Variants in BSN observed in about 807,000 individuals in gnomAD.
The protein encoded by BSN is bassoon presynaptic cytomatrix protein, also known as protein bassoon.
Under a neutral mutation model 264.8 loss-of-function variants are expected in BSN, and 57 were observed. The observed-to-expected ratio is 0.22, with a 90% confidence interval of 0.17 to 0.27. The LOEUF (loss-of-function observed/expected upper bound fraction) is 0.27, where lower values mean the gene tolerates loss of function less well. Ranked by LOEUF, BSN falls within the 10% of genes least tolerant of loss-of-function variation. The pLI, the probability that BSN is intolerant of heterozygous loss-of-function variation, is 1.00. For missense variants in BSN, 4,615 were observed against 5,232.5 expected (o/e 0.88, Z 3.64); for synonymous variants, 2,059 against 2,137.3 (o/e 0.96, Z 1.01).
In BSN at chr3:49,654,953, T is replaced by C; in HGVS notation, c.5397T>C (p.Phe1799=). The change falls in exon 5 of 12, where the codon TTT becomes TTC. Residue 1799 remains phenylalanine (F), a synonymous_variant. Coordinates refer to ENST00000296452, the MANE Select transcript of BSN (RefSeq NM_003458.4). This position sits in a 1 kb window ranked among gnomAD's most constrained non-coding sequence, Gnocchi z 4.1. ...GGGGAAGACCCAGGGAGGCCAAGTT[T>C]GCCAGATATAACCTACCCAACCAAG... The part of the protein sequence containing the change: ...GPRGRPREAK[F]ARYNLPNQVA... 1 of 1,611,864 alleles carries C rather than the reference T, an allele frequency of 6.2e-7. No homozygotes were observed. The highest frequency in any genetic ancestry group is 8.5e-7 in the Non-Finnish European group (1 of 1,178,924).
At chr3:49,664,875 C>A in intron 10 of BSN, 22 bp downstream of exon 10, 1 of 1,489,012 alleles carries the variant, frequency 6.7e-7, no homozygotes, top group South Asian at 1.1e-5. Flanking sequence ...CAGCCTGTAC[C>A]TTGCCTCTTC....
chr3:49,657,626 C>A lies in BSN; in HGVS notation c.8070C>A (p.Ile2690=). The A allele has an allele frequency of 6.2e-7, 1 of 1,600,204 alleles. No homozygotes were observed. The highest frequency in any genetic ancestry group is 1.1e-5 in the South Asian group (1 of 90,218). The part of the protein sequence containing the change: ...QLPRVSPAIH[I]TAATDPKVEI... ...CCAGGGTCTCTCCAGCCATCCACAT[C>A]ACAGCTGCCACCGATCCCAAGGTGG... is the stretch of plus-strand genomic sequence containing the variant. The change falls in exon 5 of 12, where the codon ATC becomes ATA. Residue 2690 remains isoleucine, a synonymous_variant. Transcript: ENST00000296452.
At position 49,643,104 on chromosome 3, in the gene BSN, C is replaced by T; in HGVS notation, c.1470C>T (p.Leu490=). 1 of 1,613,424 alleles carries T rather than the reference C, an allele frequency of 6.2e-7. No homozygotes were observed. Among genetic ancestry groups the T allele is most frequent in the Non-Finnish European group, 8.5e-7 (1 of 1,179,704 alleles). Residue 490 remains leucine, a synonymous_variant, in exon 3 of 12, where the codon CTC becomes CTT. Transcript: ENST00000296452. ...ANYNTCTTCR[L]QVCNLCGFNP... is the part of the protein sequence containing the mutation. ...ATAACACATGCACCACCTGCAGGCT[C>T]CAGGTGTGCAACCTGTGTGGCTTCA...
Position 49,651,305 on chromosome 3 carries a change from G to T in BSN, c.1986+226G>T. The T allele has an allele frequency of 1.6e-6, 1 of 637,636 alleles. No individual in the cohort carries two copies. Among genetic ancestry groups the T allele is most frequent in the Non-Finnish European group, 2.6e-6 (1 of 383,102 alleles). 39.5% of individuals were successfully genotyped at this position (637,636 alleles called of 1,614,324 possible). The stretch of plus-strand genomic sequence containing the variant: ...CTGGCACCTTGTCAGATGCTTTGCT[G>T]GGTTTTGATACCCTTTGATCTAGTA... On this transcript the variant is annotated intron_variant, in intron 4 of 11. Coordinates refer to ENST00000296452, the MANE Select transcript of BSN (RefSeq NM_003458.4). This position sits in a 1 kb window ranked among gnomAD's most constrained non-coding sequence, Gnocchi z 5.4.
At position 49,657,208 on chromosome 3, in the gene BSN, G is replaced by T; in HGVS notation, c.7652G>T (p.Ser2551Ile). 6.2e-7 allele frequency: 1 copy of T among 1,613,426 alleles called. No homozygotes were observed. Residue 2551 changes from serine to isoleucine, a missense_variant, in exon 5 of 12, where the codon AGT (serine) becomes ATT (isoleucine). Ser to Ile is a moderately radical substitution (Grantham distance 142). Coordinates refer to ENST00000296452, the MANE Select transcript of BSN (RefSeq NM_003458.4). ...QTEEQWEASR[S>I]GIKKRHSMPR... ...GAGGAGCAGTGGGAGGCCAGCCGTA[G>T]TGGCATCAAGAAGCGGCACTCCATG...
At chr3:49,602,053 G>A (rs1351980376) in intron 1 of BSN, among the ~76,000 whole-genome samples, 2 of 152,184 alleles carry the variant, frequency 1.3e-5, no homozygotes, top group Non-Finnish European at 2.9e-5. Flanking sequence ...CTCTCTACTT[G>A]GGACCCCTTT....
At chr3:49,643,997 A>G (rs1575445806) in intron 3 of BSN, among the ~76,000 whole-genome samples, 1 of 152,140 alleles carries the variant, frequency 6.6e-6, no homozygotes, top group South Asian at 2.1e-4. Context: ...GCAGAATTAG[A>G]CCAGCCTGGG....
intron 1 of BSN, among the ~76,000 whole-genome samples, chr3:49,605,469 A>T (rs372465586): frequency 0.19 from 1,291 of 6,696 alleles, 108 homozygotes; most frequent in Non-Finnish European, 0.22. Context: ...TATTATATAT[A>T]ATATATATTA....
intron 2 of BSN, among the ~76,000 whole-genome samples, chr3:49,626,337 G>A (rs1002332620): frequency 1.3e-5 from 2 of 152,146 alleles, no homozygotes; most frequent in Admixed American, 6.5e-5. Context: ...AGCTGGAGCC[G>A]TTTGGACCAT....
At position 49,661,733 on chromosome 3, in the gene BSN, C is replaced by T. The variant is rs1159677130; in HGVS notation, c.9888C>T (p.Tyr3296=). The part of the protein sequence containing the change: ...RGEEESEEDS[Y]DPRGKGGHLR... ...AAGAGGAATCTGAGGAGGACTCATACGATCCCCGCGGGAAGGGTGGCCACC... is the reference window on the plus strand; with the variant it reads ...AAGAGGAATCTGAGGAGGACTCATATGATCCCCGCGGGAAGGGTGGCCACC... Residue 3296 remains tyrosine, a synonymous_variant, in exon 6 of 12, where the codon TAC becomes TAT. Coordinates refer to ENST00000296452, the MANE Select transcript of BSN (RefSeq NM_003458.4). 11 of 1,613,392 alleles carry T rather than the reference C, an allele frequency of 6.8e-6. No individual in the cohort carries two copies. Among genetic ancestry groups the T allele is most frequent in the South Asian group, 1.1e-5 (1 of 91,092 alleles).
In BSN at chr3:49,652,434, C is replaced by G; in HGVS notation, c.2878C>G (p.Pro960Ala). The G allele has an allele frequency of 1.2e-6, 2 of 1,612,850 alleles. No homozygotes were observed. Among genetic ancestry groups the G allele is most frequent in the South Asian group, 2.2e-5 (2 of 90,968 alleles). ...QGPDPSLDRE[P>A]ELEMESLTGS... ...CCCAGACCCCAGTCTGGACCGGGAGCCTGAGCTGGAGATGGAGAGCCTAAC... is the reference window on the plus strand; with the variant it reads ...CCCAGACCCCAGTCTGGACCGGGAGGCTGAGCTGGAGATGGAGAGCCTAAC... The change falls in exon 5 of 12, where the codon CCT becomes GCT. Residue 960 changes from proline to alanine, a missense_variant. By Grantham distance (27) the Pro-to-Ala change is conservative. Transcript: ENST00000296452.
chr3:49,636,129 G>A (rs2052418632), intron 2 of BSN, among the ~76,000 whole-genome samples: 1 of 152,198 alleles, frequency 6.6e-6, no homozygotes, highest in Non-Finnish European at 1.5e-5. Context: ...TCCAGTCGGT[G>A]AGCTTTGAGA....
intron 5 of BSN, among the ~76,000 whole-genome samples, chr3:49,658,596 A>C (rs924911037): frequency 6.6e-6 from 1 of 152,180 alleles, no homozygotes; most frequent in Non-Finnish European, 1.5e-5. Context: ...AAAATCAGTC[A>C]TATGAACCTG....
chr3:49,636,226 C>T (rs2052419251), intron 2 of BSN, among the ~76,000 whole-genome samples: 1 of 152,050 alleles, frequency 6.6e-6, no homozygotes. Flanking sequence ...GAGGCGAGGG[C>T]CAAGGACTTG....
At chr3:49,632,393 C>T (rs1268549221) in intron 2 of BSN, among the ~76,000 whole-genome samples, 1 of 152,088 alleles carries the variant, frequency 6.6e-6, no homozygotes, top group Non-Finnish European at 1.5e-5. Flanking sequence ...AAAGGCAACC[C>T]ACAGAATGGG....
At chr3:49,624,891 G>T in intron 1 of BSN, 84 bp from the exon 2 acceptor site, 2 of 1,335,654 alleles carry the variant, frequency 1.5e-6, no homozygotes, top group Non-Finnish European at 2.0e-6. Flanking sequence ...ATGGGGCTTG[G>T]CAGGGTCACC....
chr3:49,656,496 A>G lies in BSN; in HGVS notation c.6940A>G (p.Thr2314Ala), dbSNP rs759166130. 2 of 1,592,946 alleles carry G rather than the reference A, an allele frequency of 1.3e-6. No individual in the cohort carries two copies. Among genetic ancestry groups the G allele is most frequent in the Middle Eastern group, 1.7e-4 (1 of 5,970 alleles). Residue 2314 changes from threonine to alanine, a missense_variant, in exon 5 of 12, where the codon ACC becomes GCC. Thr to Ala is a moderately conservative substitution (Grantham distance 58). Coordinates refer to ENST00000296452, the MANE Select transcript of BSN (RefSeq NM_003458.4). Reference protein sequence around the residue: ...GAAREEPLPTTTPAAIKEAAG... With the variant: ...GAAREEPLPTATPAAIKEAAG... Reference sequence around the variant, plus strand: ...TGCACGGGAAGAGCCTCTTCCCACAACCACCCCTGCTGCCATCAAGGAGGC... The same window carrying G: ...TGCACGGGAAGAGCCTCTTCCCACAGCCACCCCTGCTGCCATCAAGGAGGC...
At chr3:49,641,498 T>C (rs2052462793) in intron 2 of BSN, 1 of 152,230 alleles carries the variant, frequency 6.6e-6, no homozygotes, top group Non-Finnish European at 1.5e-5. Flanking sequence ...GTTTATCACA[T>C]GGATAGCGGC....
At chr3:49,588,801 G>A (rs1245710940) in intron 1 of BSN, among the ~76,000 whole-genome samples, 1 of 152,108 alleles carries the variant, frequency 6.6e-6, no homozygotes, top group Admixed American at 6.5e-5. Context: ...TTCATTGTAT[G>A]ATTTCAAGTC....
Sources: gnomAD v4.1 joint callset for allele counts (sites outside exome capture counted in the v4.1 genomes callset) on GRCh38, gnomAD v4.1.1 for gene constraint, Gnocchi (gnomAD v3.1) non-coding constraint, MANE v1.5 for transcripts, NCBI Gene and HGNC (gene_info 2026-07-23, HGNC 2026-07-21) for gene names.